TMEM132B: variants seen among roughly 807,000 people sequenced by gnomAD.
TMEM132B encodes the protein transmembrane protein 132B.
TMEM132B carries 18 observed loss-of-function variants against 90.8 expected under a neutral mutation model. That is an observed-to-expected ratio of 0.20 (90% CI 0.14 to 0.29). TMEM132B has a LOEUF of 0.29. Ranked by LOEUF, TMEM132B falls within the 10% of genes least tolerant of loss-of-function variation. The pLI, the probability that TMEM132B is intolerant of heterozygous loss-of-function variation, is 1.00. For synonymous variants in TMEM132B, 504 were observed against 523.3 expected, an observed-to-expected ratio of 0.96 and a Z score of 0.50; for missense variants, 1,096 against 1,326.8, an observed-to-expected ratio of 0.83 and a Z score of 2.70.
intron 2 of TMEM132B, among the ~76,000 whole-genome samples, chr12:125,353,108 G>T (rs1207735598): frequency 3.9e-5 from 6 of 152,170 alleles, no homozygotes; most frequent in African/African-American, 1.4e-4. Flanking sequence ...CCAAGGGATG[G>T]CTTCACTGCC....
chr12:125,261,192 C>G (rs939506318), intron 1 of TMEM132B, among the ~76,000 whole-genome samples: 1 of 152,194 alleles, frequency 6.6e-6, no homozygotes, highest in East Asian at 1.9e-4. Flanking sequence ...GTCTTAAATT[C>G]TGTGACTGTT....
intron 1 of TMEM132B, among the ~76,000 whole-genome samples, chr12:125,337,544 G>A (rs914717085): frequency 5.9e-5 from 9 of 152,134 alleles, no homozygotes; most frequent in East Asian, 1.9e-4. Flanking sequence ...GTGGCCATAC[G>A]TGGATACAGG....
chr12:125,305,441 AG>A (rs888509379), intron 1 of TMEM132B, among the ~76,000 whole-genome samples: 19 of 149,754 alleles, frequency 1.3e-4, no homozygotes, highest in African/African-American at 3.4e-4. Context: ...AGCCCAGGGT[AG>A]GGGGGGGAAG....
At chr12:125,589,271 AG>A (rs1885253948) in intron 5 of TMEM132B, among the ~76,000 whole-genome samples, 1 of 152,062 alleles carries the variant, frequency 6.6e-6, no homozygotes, top group Non-Finnish European at 1.5e-5. Context: ...TCACGAGGTC[AG>A]GAGATCGAGA....
chr12:125,553,558 T>A (rs937556768), intron 4 of TMEM132B, among the ~76,000 whole-genome samples: 6 of 152,090 alleles, frequency 3.9e-5, no homozygotes, highest in Admixed American at 3.3e-4. Flanking sequence ...ATAGTTCACA[T>A]TGGGTGGGGT....
chr12:125,321,271 G>A (rs1328938223), intron 1 of TMEM132B, among the ~76,000 whole-genome samples: 1 of 152,112 alleles, frequency 6.6e-6, no homozygotes, highest in Non-Finnish European at 1.5e-5. Flanking sequence ...TACATTTTGT[G>A]TTTTGAAGAC....
chr12:125,406,789 C>T lies in TMEM132B; in HGVS notation c.960-8742C>T, dbSNP rs1199922087. ...AGTCTGGAGGGTCCCCAAGACCACC[C>T]TCAGGTTCAGTAATTTTCTAGAAGG... On this transcript the variant is annotated intron_variant, in intron 2 of 8. Coordinates refer to ENST00000682704, the MANE Select transcript of TMEM132B (RefSeq NM_001366854.1). The surrounding 1 kb of genome is among the most constrained non-coding windows in gnomAD (Gnocchi z 8.3). 6.6e-6 allele frequency among the ~76,000 whole-genome samples: 1 copy of T among 152,110 alleles called. No homozygotes were observed. Among genetic ancestry groups the T allele is most frequent in the Non-Finnish European group, 1.5e-5 (1 of 68,028 alleles).
chr12:125,545,461 G>C (rs1300523614), intron 4 of TMEM132B, among the ~76,000 whole-genome samples: 1 of 152,074 alleles, frequency 6.6e-6, no homozygotes. Flanking sequence ...TCCTGCTCAA[G>C]ATGAATTCTG....
intron 5 of TMEM132B, among the ~76,000 whole-genome samples, chr12:125,625,021 A>C (rs1344108631): frequency 6.7e-6 from 1 of 148,576 alleles, no homozygotes; most frequent in African/African-American, 2.5e-5. Flanking sequence ...AGTTAACATC[A>C]CTCTCACCTC....
intron 1 of TMEM132B, among the ~76,000 whole-genome samples, chr12:125,194,288 T>G (rs1872878639): frequency 1.3e-5 from 2 of 151,612 alleles, no homozygotes; most frequent in Non-Finnish European, 1.5e-5. Flanking sequence ...GTCTTACTCA[T>G]TGTGGCCACG....
intron 2 of TMEM132B, among the ~76,000 whole-genome samples, chr12:125,404,238 C>T (rs1879400881): frequency 6.6e-6 from 1 of 152,104 alleles, no homozygotes; most frequent in African/African-American, 2.4e-5. Flanking sequence ...GTCAGGTGTA[C>T]AGCAATGTCC....
chr12:125,639,007 C>T (rs1353101129), intron 5 of TMEM132B, among the ~76,000 whole-genome samples: 2 of 152,162 alleles, frequency 1.3e-5, no homozygotes, highest in Admixed American at 6.5e-5. Flanking sequence ...CATGTTCCTG[C>T]CCTCAGCTCT....
At chr12:125,427,683 A>G (rs1431126929) in intron 3 of TMEM132B, among the ~76,000 whole-genome samples, 1 of 152,346 alleles carries the variant, frequency 6.6e-6, no homozygotes, top group East Asian at 1.9e-4. Flanking sequence ...CTTAATCACC[A>G]CATTGCCAGG....
chr12:125,572,427 C>T (rs1008186381), intron 4 of TMEM132B, among the ~76,000 whole-genome samples: 2 of 152,208 alleles, frequency 1.3e-5, no homozygotes, highest in African/African-American at 2.4e-5. Flanking sequence ...GAGGCTACGC[C>T]GTTCAAGGCA....
rs368648391 is a variant in TMEM132B, at chr12:125,355,998, G to C, written c.959+5655G>C. 4.9e-4 allele frequency among the ~76,000 whole-genome samples: 74 copies of C among 152,268 alleles called. No individual in the cohort carries two copies. In the East Asian group the frequency reaches 0.011, roughly 22 times the overall value. On this transcript the variant is annotated intron_variant, in intron 2 of 8. Coordinates refer to ENST00000682704, the MANE Select transcript of TMEM132B (RefSeq NM_001366854.1). ...AGGGTCATCAAGTGGGGTTTGGAGG[G>C]GGCTGGGGGCTGGTGGCAGGGAAGT...
chr12:125,495,808 C>A (rs372693477), intron 3 of TMEM132B, among the ~76,000 whole-genome samples: 1 of 152,190 alleles, frequency 6.6e-6, no homozygotes, highest in Non-Finnish European at 1.5e-5. Context: ...ATCACAAATG[C>A]ACTGGGATTA....
Position 125,662,250 on chromosome 12 carries a change from C to G in TMEM132B, c.*7540C>G, listed in dbSNP as rs1887220918. 3 of 152,196 alleles carry G rather than the reference C, an allele frequency of 2.0e-5. No homozygotes were observed. The South Asian group carries it at 6.2e-4, about 31-fold the overall frequency. 9.4% of individuals were successfully genotyped at this position (152,196 alleles called of 1,614,324 possible). A position where few individuals can be genotyped will look rare whatever the true frequency, so the allele number is the denominator to read the frequency against. ...ATACCTTTTTGTATAATGTATCTATCTCATTATATTACCTATGGTTTCAGT... is the reference window on the plus strand; with the variant it reads ...ATACCTTTTTGTATAATGTATCTATGTCATTATATTACCTATGGTTTCAGT... On this transcript the variant is annotated 3_prime_UTR_variant, in exon 9 of 9. Transcript: ENST00000682704.
At chr12:125,194,477 A>T (rs954320454) in intron 1 of TMEM132B, among the ~76,000 whole-genome samples, 3 of 152,020 alleles carry the variant, frequency 2.0e-5, no homozygotes, top group Non-Finnish European at 4.4e-5. Flanking sequence ...CGGGCCTTCC[A>T]AGGGGTCTTG....
chr12:125,494,610 G>A (rs565416160), intron 3 of TMEM132B, among the ~76,000 whole-genome samples: 45 of 99,178 alleles, frequency 4.5e-4, no homozygotes, highest in Non-Finnish European at 3.9e-4. Flanking sequence ...GAAAATGGCC[G>A]CGTCCCTCCT....
Sources: gnomAD v4.1 joint callset for allele counts (sites outside exome capture counted in the v4.1 genomes callset) on GRCh38, gnomAD v4.1.1 for gene constraint, Gnocchi (gnomAD v3.1) non-coding constraint, MANE v1.5 for transcripts, NCBI Gene and HGNC (gene_info 2026-07-23, HGNC 2026-07-21) for gene names.